The following MED23 variants were observed in gnomAD, a reference collection of about 807,000 sequenced individuals.
MED23 encodes mediator of RNA polymerase II transcription subunit 23.
Under a neutral mutation model 163.9 loss-of-function variants are expected in MED23, and 105 were observed. The ratio of observed to expected loss-of-function variants is 0.64; its 90% CI spans 0.55 to 0.75. The LOEUF is 0.75. Ranked by LOEUF, MED23 falls within the 30% of genes least tolerant of loss-of-function variation. MED23 has a pLI of 0.00. For missense variants in MED23, 1,054 were observed against 1,649.0 expected (o/e 0.64, Z 6.25); for synonymous variants, 561 against 565.6 (o/e 0.99, Z 0.12).
chr6:131,591,425 CAA>C lies in MED23; in HGVS notation c.3572_3573del (p.Phe1191Ter), dbSNP rs1774625111. 6.2e-7 allele frequency: 1 copy of C among 1,613,748 alleles called. No individual in the cohort carries two copies. The highest frequency in any genetic ancestry group is 1.1e-5 in the South Asian group (1 of 91,076). The stretch of plus-strand genomic sequence containing the variant: ...TAGGACTGATGACAGGCAGTGAAAT[CAA>C]AGAGGCGGAATGGATAGCCAACCCA... The part of the protein sequence containing the change: ...TEWVGYPFRL[F>X]DFTACHQSYS... On this transcript the variant is annotated frameshift_variant, in exon 26 of 29. Coordinates refer to ENST00000368068, the MANE Select transcript of MED23 (RefSeq NM_004830.4). LOFTEE classifies it high-confidence loss of function.
chr6:131,583,921 C>T (rs1460741759), downstream of MED23: 10 of 1,613,056 alleles, frequency 6.2e-6, no homozygotes, highest in Non-Finnish European at 8.5e-6. Flanking sequence ...GTGGAAACAT[C>T]CGATATAAAT....
At chr6:131,583,745 T>C (rs1700711482), downstream of MED23, 1 of 1,613,648 alleles carries the variant, frequency 6.2e-7, no homozygotes, top group Admixed American at 1.7e-5. Context: ...GTTGTAGGGC[T>C]ACTCTCAGGA....
intron 30 of MED23, chr6:131,581,519 G>C (rs1209530333): frequency 2.9e-6 from 3 of 1,045,842 alleles, no homozygotes; most frequent in Non-Finnish European, 4.2e-6. Context: ...TAAGCAAAGG[G>C]TTGGTTGATA....
chr6:131,602,878 TG>T, intron 16 of MED23, 151 bp downstream of exon 16: 2 of 798,644 alleles, frequency 2.5e-6, no homozygotes, highest in Non-Finnish European at 3.9e-6. Flanking sequence ...GCTCCTATAC[TG>T]GAAACAAAAT....
chr6:131,617,909 T>G (rs1267760788), intron 9 of MED23, among the ~76,000 whole-genome samples: 1 of 152,234 alleles, frequency 6.6e-6, no homozygotes, highest in East Asian at 1.9e-4. Flanking sequence ...CACATTAGTC[T>G]TAAGTATCAT....
intron 12 of MED23, among the ~76,000 whole-genome samples, chr6:131,607,508 G>A (rs962787160): frequency 6.6e-6 from 1 of 151,960 alleles, no homozygotes; most frequent in African/African-American, 2.4e-5. Flanking sequence ...TCACGCCACT[G>A]CACTCCAGCC....
Position 131,619,683 on chromosome 6 carries a change from A to G in MED23, c.667+144T>C, listed in dbSNP as rs564879949. ...CACACAGAGTAAGTGAAAACAAGGG[A>G]AAGGCATTATATTAAGCTCTTAGAG... is the stretch of plus-strand genomic sequence containing the variant. On this transcript the variant is annotated intron_variant, in intron 8 of 28. Coordinates refer to ENST00000368068, the MANE Select transcript of MED23 (RefSeq NM_004830.4). The G allele has an allele frequency of 5.1e-5, 33 of 646,890 alleles. No individual in the cohort carries two copies. In the East Asian group the frequency reaches 8.4e-4, roughly 16 times the overall value. The allele number at this position is 646,890 out of a possible 1,614,324, so 40.1% of individuals were successfully genotyped here.
chr6:131,602,992 A>G (rs766087240), intron 16 of MED23, 38 bp downstream of exon 16: 32 of 1,606,004 alleles, frequency 2.0e-5, no homozygotes, highest in Non-Finnish European at 2.7e-5. Context: ...GAAAGTTTCT[A>G]ATAAATCTTA....
At chr6:131,597,427 C>T (rs1427563076) in intron 20 of MED23, among the ~76,000 whole-genome samples, 1 of 128,832 alleles carries the variant, frequency 7.8e-6, no homozygotes, top group African/African-American at 3.1e-5. Flanking sequence ...AGTGAGCCAA[C>T]ATCACGCCAC....
At chr6:131,620,809 T>A in intron 6 of MED23, 80 bp from the exon 7 acceptor site, 1 of 841,058 alleles carries the variant, frequency 1.2e-6, no homozygotes, top group Admixed American at 2.8e-5. Flanking sequence ...TCATTATTTT[T>A]TTTTTTTTTT....
intron 23 of MED23, 121 bp downstream of exon 23, chr6:131,593,978 T>C (rs1585468586): frequency 2.6e-6 from 2 of 772,934 alleles, no homozygotes; most frequent in East Asian, 2.7e-5. Context: ...AAAATGGAAG[T>C]GATCTTAAAA....
intron 10 of MED23, among the ~76,000 whole-genome samples, chr6:131,613,096 A>G (rs1012393645): frequency 5.3e-5 from 8 of 152,142 alleles, no homozygotes; most frequent in African/African-American, 1.9e-4. Context: ...AGTTACCCAT[A>G]ATCAGAATAA....
intron 9 of MED23, among the ~76,000 whole-genome samples, chr6:131,616,592 G>A (rs995143783): frequency 6.6e-6 from 1 of 152,146 alleles, no homozygotes; most frequent in Non-Finnish European, 1.5e-5. Flanking sequence ...GCCAAGATGG[G>A]AAGATCTCTT....
rs1775778640 is a variant in MED23, at chr6:131,605,332, T to A, written c.1521A>T (p.Ile507=). The A allele has an allele frequency of 1.2e-6, 2 of 1,613,172 alleles. No homozygotes were observed. Among genetic ancestry groups the A allele is most frequent in the South Asian group, 2.2e-5 (2 of 91,062 alleles). ...CCATACAGTTTGTTCCAGGGAGAGG[T>A]ATCCTCATAATTCCATTTCCATAAA... ...ETIYGNGIMR[I]PLPGTNCMAS... Residue 507 remains isoleucine (I), a synonymous_variant, in exon 14 of 29, where the codon ATA becomes ATT. Transcript: ENST00000368068.
At position 131,628,118 on chromosome 6, in the gene MED23, T is replaced by G; in HGVS notation, c.-69A>C. On this transcript the variant is annotated 5_prime_UTR_variant, in exon 1 of 29. Transcript: ENST00000368068. ...GGATCAGACTCGAGCTCTGGGAATA[T>G]AGGGGCAGAGGGGCGGAGACCTCTG... The G allele has an allele frequency of 1.3e-6, 2 of 1,576,208 alleles. No individual in the cohort carries two copies. The highest frequency in any genetic ancestry group is 2.2e-5 in the South Asian group (2 of 90,384).
intron 4 of MED23, 138 bp from the exon 5 acceptor site, chr6:131,623,600 GA>G: frequency 2.7e-6 from 2 of 728,844 alleles, no homozygotes; most frequent in South Asian, 1.5e-5. Context: ...CGTGTCATGA[GA>G]AAAACCATTT....
At chr6:131,579,310 G>A (rs758094530) in intron 30 of MED23, 17 of 1,612,456 alleles carry the variant, frequency 1.1e-5, no homozygotes, top group Middle Eastern at 3.3e-4. Flanking sequence ...CTGTGTCTAT[G>A]GGAATCTGGC....
intron 28 of MED23, 127 bp from the exon 29 acceptor site, chr6:131,587,973 C>G: frequency 1.3e-6 from 1 of 768,306 alleles, no homozygotes; most frequent in Admixed American, 2.1e-5. Context: ...TGAGAAGTTT[C>G]TTAACATGTT....
At chr6:131,618,805 C>G (rs546405770) in intron 8 of MED23, among the ~76,000 whole-genome samples, 3 of 152,202 alleles carry the variant, frequency 2.0e-5, no homozygotes, top group Non-Finnish European at 2.9e-5. Context: ...CAGCCTGGCA[C>G]CTGTTTTTGT....
Sources: gnomAD v4.1 joint callset for allele counts (sites outside exome capture counted in the v4.1 genomes callset) on GRCh38, gnomAD v4.1.1 for gene constraint, MANE v1.5 for transcripts, NCBI Gene and HGNC (gene_info 2026-07-23, HGNC 2026-07-21) for gene names.